MGAT4C: variants seen among roughly 807,000 people sequenced by gnomAD.
MGAT4C encodes the protein MGAT4 family member C.
In MGAT4C, 19 loss-of-function variants were observed where a neutral mutation model predicts 40.1. The observed-to-expected ratio is 0.47, with a 90% CI of 0.33 to 0.70. The LOEUF is 0.70. Among genes scored for constraint, MGAT4C ranks in the 30% least tolerant of loss-of-function variants. MGAT4C has a pLI of 0.02. For synonymous variants in MGAT4C, 181 were observed against 187.1 expected, an observed-to-expected ratio of 0.97 and a Z score of 0.27; for missense variants, 491 against 563.2, an observed-to-expected ratio of 0.87 and a Z score of 1.30.
chr12:86,229,475 T>C (rs1274752089), intron 1 of MGAT4C, among the ~76,000 whole-genome samples: 1 of 151,978 alleles, frequency 6.6e-6, no homozygotes, highest in Admixed American at 6.6e-5. Flanking sequence ...AAATTGGAAA[T>C]TGGAGACAAA....
At chr12:86,057,538 T>C (rs1379296707) in intron 1 of MGAT4C, among the ~76,000 whole-genome samples, 1 of 152,204 alleles carries the variant, frequency 6.6e-6, no homozygotes, top group Admixed American at 6.6e-5. Flanking sequence ...ACTTTGAACA[T>C]ATATTCCATT....
chr12:86,020,295 T>G (rs1190861131), intron 2 of MGAT4C, among the ~76,000 whole-genome samples: 1 of 152,094 alleles, frequency 6.6e-6, no homozygotes, highest in Non-Finnish European at 1.5e-5. Context: ...TGCTTCCAGT[T>G]TTTGCCCATT....
intron 2 of MGAT4C, among the ~76,000 whole-genome samples, chr12:86,455,426 A>C (rs1383404656): frequency 6.6e-6 from 1 of 152,134 alleles, no homozygotes; most frequent in Non-Finnish European, 1.5e-5. Context: ...TAAAACAGGA[A>C]GTTTTAATTC....
At chr12:86,626,758 T>C (rs1962819127) in intron 2 of MGAT4C, among the ~76,000 whole-genome samples, 2 of 152,240 alleles carry the variant, frequency 1.3e-5, no homozygotes, top group African/African-American at 4.8e-5. Flanking sequence ...TGTTCCAAGG[T>C]GGCAGAATAG....
At chr12:86,517,217 A>C (rs1202382921) in intron 2 of MGAT4C, among the ~76,000 whole-genome samples, 1 of 152,202 alleles carries the variant, frequency 6.6e-6, no homozygotes, top group Admixed American at 6.5e-5. Flanking sequence ...GGTGATGGCC[A>C]CACAGTTTTG....
intron 1 of MGAT4C, among the ~76,000 whole-genome samples, chr12:86,767,899 C>T (rs1951545621): frequency 6.6e-6 from 1 of 152,284 alleles, no homozygotes; most frequent in Non-Finnish European, 1.5e-5. Flanking sequence ...GACAAACCCA[C>T]AGCCAATATC....
At chr12:86,628,057 T>A (rs944860649) in intron 2 of MGAT4C, among the ~76,000 whole-genome samples, 1 of 152,094 alleles carries the variant, frequency 6.6e-6, no homozygotes, top group African/African-American at 2.4e-5. Flanking sequence ...TTAAATGACA[T>A]GATGGAGCTG....
chr12:86,825,174 C>G (rs185799152), intron 1 of MGAT4C, among the ~76,000 whole-genome samples: 1 of 150,986 alleles, frequency 6.6e-6, no homozygotes, highest in Admixed American at 6.6e-5. Context: ...GATATAAACA[C>G]CAAGGTTTGA....
At chr12:86,106,587 G>A (rs1876220876) in intron 1 of MGAT4C, among the ~76,000 whole-genome samples, 1 of 152,118 alleles carries the variant, frequency 6.6e-6, no homozygotes, top group African/African-American at 2.4e-5. Context: ...TTATAGGCGT[G>A]AGCCATGGCA....
At chr12:86,523,996 T>C (rs1459854905) in intron 2 of MGAT4C, among the ~76,000 whole-genome samples, 1 of 152,106 alleles carries the variant, frequency 6.6e-6, no homozygotes, top group Non-Finnish European at 1.5e-5. Flanking sequence ...GTGAGATGAG[T>C]CTCTTGAAGA....
intron 1 of MGAT4C, among the ~76,000 whole-genome samples, chr12:86,812,766 T>C (rs1385442129): frequency 6.6e-6 from 1 of 152,122 alleles, no homozygotes; most frequent in African/African-American, 2.4e-5. Context: ...AGAACGACTC[T>C]TGAGACTGGG....
At chr12:86,786,716 C>T (rs1951937528) in intron 1 of MGAT4C, among the ~76,000 whole-genome samples, 1 of 151,982 alleles carries the variant, frequency 6.6e-6, no homozygotes, top group Non-Finnish European at 1.5e-5. Context: ...AGCTCAATTG[C>T]TCTATCTTTG....
intron 1 of MGAT4C, among the ~76,000 whole-genome samples, chr12:86,103,496 G>T (rs1339383858): frequency 1.3e-5 from 2 of 152,168 alleles, no homozygotes; most frequent in Admixed American, 6.6e-5. Context: ...AAGAGGTAAA[G>T]AACAGATTAT....
chr12:86,566,892 G>C (rs1565853933), intron 2 of MGAT4C, among the ~76,000 whole-genome samples: 1 of 151,316 alleles, frequency 6.6e-6, no homozygotes, highest in Non-Finnish European at 1.5e-5. Flanking sequence ...CTCCATCATG[G>C]TATTTCACAT....
chr12:86,680,077 T>C (rs1949951884), intron 2 of MGAT4C, among the ~76,000 whole-genome samples: 1 of 152,008 alleles, frequency 6.6e-6, no homozygotes, highest in African/African-American at 2.4e-5. Context: ...TGTATGTTTA[T>C]TTTGCCTCCT....
At chr12:86,271,769 G>A (rs1425436316) in intron 4 of MGAT4C, among the ~76,000 whole-genome samples, 2 of 152,160 alleles carry the variant, frequency 1.3e-5, no homozygotes, top group Non-Finnish European at 2.9e-5. Context: ...AATAGATGAT[G>A]GAGTAGAGAA....
chr12:86,432,357 G>A (rs1203625401), intron 3 of MGAT4C, among the ~76,000 whole-genome samples: 3 of 152,050 alleles, frequency 2.0e-5, no homozygotes, highest in Non-Finnish European at 2.9e-5. Flanking sequence ...TATTTAGAGA[G>A]GGATGTGTAG....
At chr12:86,232,426 C>G (rs187935578) in intron 1 of MGAT4C, among the ~76,000 whole-genome samples, 12 of 152,192 alleles carry the variant, frequency 7.9e-5, no homozygotes, top group Non-Finnish European at 1.6e-4. Context: ...GAAGGAAAAA[C>G]AGTGTAACAG....
Position 86,611,531 on chromosome 12 carries a change from T to G in MGAT4C, c.-229+115678A>C, listed in dbSNP as rs12303439. Among the ~76,000 whole-genome samples the G allele has an allele frequency of 6.9e-3, 1,042 of 152,030 alleles. 16 individuals carry two copies. The highest frequency in any genetic ancestry group is 0.024 in the African/African-American group (1,003 of 41,468). On this transcript the variant is annotated intron_variant, in intron 2 of 7. Coordinates refer to the MGAT4C transcript ENST00000548651. ...TTGTATGGCAGTTCCTCTGGACAGT[T>G]TACCTGAAATTACCCTTCATAACTG...
Sources: gnomAD v4.1 joint callset for allele counts (sites outside exome capture counted in the v4.1 genomes callset) on GRCh38, gnomAD v4.1.1 for gene constraint, MANE v1.5 for transcripts, NCBI Gene and HGNC (gene_info 2026-07-23, HGNC 2026-07-21) for gene names.